Variants in LCOR observed in about 807,000 individuals in gnomAD.
The protein encoded by LCOR is ligand dependent nuclear receptor corepressor, also known as ligand-dependent corepressor.
In LCOR, 14 loss-of-function variants were observed where a neutral mutation model predicts 64.4. The observed-to-expected ratio is 0.22, with a 90% CI of 0.14 to 0.34. The LOEUF is 0.34. LCOR is among the 10% of genes least tolerant of loss of function. The pLI, the probability that LCOR is intolerant of heterozygous loss-of-function variation, is 1.00. For synonymous variants in LCOR, 643 were observed against 642.5 expected, an observed-to-expected ratio of 1.00 and a Z score of -0.01; for missense variants, 1,686 against 1,765.3, an observed-to-expected ratio of 0.96 and a Z score of 0.80.
chr10:96,863,121 G>A (rs1845915555), intron 2 of LCOR, among the ~76,000 whole-genome samples: 1 of 150,926 alleles, frequency 6.6e-6, no homozygotes, highest in South Asian at 2.1e-4. Flanking sequence ...GACCTCAAGT[G>A]ATCTGCCCAC....
intron 4 of LCOR, among the ~76,000 whole-genome samples, chr10:96,932,184 T>C (rs537259049): frequency 6.7e-4 from 102 of 152,288 alleles, no homozygotes; most frequent in African/African-American, 2.4e-3. Flanking sequence ...CCACTGACGA[T>C]AGATTTGAAA....
At chr10:96,858,356 G>A (rs1182635074) in intron 2 of LCOR, among the ~76,000 whole-genome samples, 1 of 152,142 alleles carries the variant, frequency 6.6e-6, no homozygotes, top group Non-Finnish European at 1.5e-5. Flanking sequence ...GGGGATTTTC[G>A]ACAGACAAAT....
intron 4 of LCOR, among the ~76,000 whole-genome samples, chr10:96,925,071 A>G (rs1847144491): frequency 1.3e-5 from 2 of 150,162 alleles, no homozygotes; most frequent in African/African-American, 2.5e-5. Context: ...ATTTATTTTC[A>G]TTTTTATTTA....
At chr10:96,909,010 C>T (rs187323019) in intron 4 of LCOR, among the ~76,000 whole-genome samples, 173 of 152,300 alleles carry the variant, frequency 1.1e-3, no homozygotes, top group Non-Finnish European at 2.0e-3. Context: ...CCACCGCGCC[C>T]GGCCTTCTTC....
intron 7 of LCOR, chr10:96,959,259 G>C (rs1419595306): frequency 6.6e-6 from 1 of 152,028 alleles, no homozygotes; most frequent in East Asian, 1.9e-4. Flanking sequence ...GTTTTGCATG[G>C]CCCAAACAAC....
At chr10:96,833,308 C>G (rs1845380366) in intron 1 of LCOR, 98 bp from the exon 2 acceptor site, 1 of 948,300 alleles carries the variant, frequency 1.1e-6, no homozygotes, top group Admixed American at 6.2e-5. Context: ...TTTTTCCCTG[C>G]GGGCCGGAGG....
At chr10:96,866,323 A>G (rs1369718251) in intron 2 of LCOR, among the ~76,000 whole-genome samples, 1 of 152,108 alleles carries the variant, frequency 6.6e-6, no homozygotes, top group Non-Finnish European at 1.5e-5. Flanking sequence ...TCATTTGCCT[A>G]TTCTGGACAT....
At chr10:96,853,040 T>C (rs1845746221) in intron 2 of LCOR, among the ~76,000 whole-genome samples, 1 of 152,188 alleles carries the variant, frequency 6.6e-6, no homozygotes, top group South Asian at 2.1e-4. Flanking sequence ...TATTTTGTTA[T>C]TGTTGTCACC....
rs1213140008 is a variant in LCOR, at chr10:96,985,041, A to T, written c.4581A>T (p.Lys1527Asn). The change falls in exon 8 of 8, where the codon AAA becomes AAT. Residue 1527 changes from lysine (K) to asparagine (N), a missense_variant. By Grantham distance (94) the Lys-to-Asn change is moderately conservative. Transcript: ENST00000421806. ...SGKTRARPST[K>N]TPESSAAQRK... is the part of the protein sequence containing the mutation. ...AGACTCGGGCCAGACCCTCAACGAA[A>T]ACCCCAGAGAGCAGTGCAGCTCAGA... 1.9e-6 allele frequency: 3 copies of T among 1,614,084 alleles called. No individual in the cohort carries two copies. The highest frequency in any genetic ancestry group is 2.5e-6 in the Non-Finnish European group (3 of 1,180,048).
Position 96,951,956 on chromosome 10 carries a change from TTTAA to T in LCOR, c.239-144_239-141del, listed in dbSNP as rs1041194371. The T allele has an allele frequency of 5.0e-5, 29 of 583,814 alleles. No individual in the cohort carries two copies. The South Asian group carries it at 5.1e-4, about 10-fold the overall frequency. The allele number at this position is 583,814 out of a possible 1,614,324, so 36.2% of individuals were successfully genotyped here. On this transcript the variant is annotated intron_variant, in intron 6 of 7. Coordinates refer to ENST00000421806, the MANE Select transcript of LCOR (RefSeq NM_001346516.2). ...TTGCTAAATTTATGTTGCTTCAGGA[TTTAA>T]TTGATTTTATAACTCAAATATATGA...
intron 4 of LCOR, among the ~76,000 whole-genome samples, chr10:96,918,525 T>C (rs1040905860): frequency 2.0e-5 from 3 of 152,068 alleles, no homozygotes; most frequent in African/African-American, 4.8e-5. Flanking sequence ...CATAGAAGAA[T>C]AGGCAAAGGA....
intron 2 of LCOR, among the ~76,000 whole-genome samples, chr10:96,905,440 T>C (rs1846711105): frequency 6.6e-6 from 1 of 152,182 alleles, no homozygotes; most frequent in African/African-American, 2.4e-5. Flanking sequence ...AGATTTTCTT[T>C]TGGGAGGGCA....
intron 7 of LCOR, chr10:96,961,202 G>A (rs980213614): frequency 3.3e-5 from 5 of 152,028 alleles, no homozygotes; most frequent in African/African-American, 7.2e-5. Flanking sequence ...AATGAGAATC[G>A]AGGCTAATTA....
Position 96,984,000 on chromosome 10 carries a change from A to G in LCOR, c.3540A>G (p.Leu1180=). 11 of 1,614,172 alleles carry G rather than the reference A, an allele frequency of 6.8e-6. No homozygotes were observed. Among genetic ancestry groups the G allele is most frequent in the Non-Finnish European group, 9.3e-6 (11 of 1,180,030 alleles). ...VQMLFMTNFK[L]SNVCKWFLET... is the part of the protein sequence containing the mutation. ...TGCTCTTTATGACAAACTTTAAATT[A>G]TCTAATGTTTGTAAATGGTTCTTAG... The change falls in exon 8 of 8, where the codon TTA becomes TTG. Residue 1180 remains leucine, a synonymous_variant. Coordinates refer to ENST00000421806, the MANE Select transcript of LCOR (RefSeq NM_001346516.2). The surrounding 1 kb of genome is among the most constrained non-coding windows in gnomAD (Gnocchi z 4.5).
At chr10:96,910,189 T>A (rs1447442726) in intron 4 of LCOR, among the ~76,000 whole-genome samples, 1 of 152,230 alleles carries the variant, frequency 6.6e-6, no homozygotes, top group South Asian at 2.1e-4. Context: ...CATGCCACCA[T>A]ACCCAGCTTG....
intron 2 of LCOR, among the ~76,000 whole-genome samples, chr10:96,883,734 A>T (rs2134422562): frequency 6.6e-6 from 1 of 152,366 alleles, no homozygotes; most frequent in African/African-American, 2.4e-5. Context: ...TATTTTGAAT[A>T]ACAGGCCTTT....
At chr10:96,963,586 C>G (rs1847914495) in intron 7 of LCOR, 1 of 152,028 alleles carries the variant, frequency 6.6e-6, no homozygotes, top group African/African-American at 2.4e-5. Flanking sequence ...TGTAAAATGT[C>G]AAAAAAATTA....
intron 2 of LCOR, among the ~76,000 whole-genome samples, chr10:96,906,471 C>T (rs1242767393): frequency 2.0e-5 from 3 of 152,158 alleles, no homozygotes; most frequent in African/African-American, 7.2e-5. Context: ...TTCCTCCTTA[C>T]TCTCTTGACC....
intron 2 of LCOR, among the ~76,000 whole-genome samples, chr10:96,873,071 G>GTA (rs61041169): frequency 6.6e-6 from 1 of 152,028 alleles, no homozygotes; most frequent in African/African-American, 2.4e-5. Flanking sequence ...AGGGATGAGT[G>GTA]GAGGGATGGA....
Sources: allele counts gnomAD v4.1 joint callset (sites outside exome capture counted in the v4.1 genomes callset), GRCh38; gene constraint gnomAD v4.1.1; non-coding constraint Gnocchi (gnomAD v3.1); transcripts MANE v1.5; gene names NCBI Gene and HGNC (gene_info 2026-07-23, HGNC 2026-07-21).